Variants in SLC4A7 observed in about 807,000 individuals in gnomAD.
SLC4A7 encodes solute carrier family 4 member 7.
SLC4A7 carries 51 observed loss-of-function variants against 137.6 expected under a neutral mutation model. That is an observed-to-expected ratio of 0.37 (90% CI 0.30 to 0.47). The LOEUF is 0.47. Ranked by LOEUF, SLC4A7 falls within the 20% of genes least tolerant of loss-of-function variation. The pLI is 1.00. For missense variants in SLC4A7, 1,247 were observed against 1,525.4 expected, an observed-to-expected ratio of 0.82 and a Z score of 3.04; for synonymous variants, 542 against 518.6, an observed-to-expected ratio of 1.05 and a Z score of -0.61.
At chr3:27,427,671 T>C (rs1184977579) in intron 7 of SLC4A7, among the ~76,000 whole-genome samples, 1 of 152,036 alleles carries the variant, frequency 6.6e-6, no homozygotes, top group African/African-American at 2.4e-5. Flanking sequence ...GAAACTCCAT[T>C]AGAGTTTCTA....
intron 1 of SLC4A7, among the ~76,000 whole-genome samples, chr3:27,477,295 G>A (rs2059500058): frequency 6.6e-6 from 1 of 152,210 alleles, no homozygotes; most frequent in Non-Finnish European, 1.5e-5. Flanking sequence ...TTGGTGAACA[G>A]CAGCTAACTT....
chr3:27,390,078 T>A lies in SLC4A7; in HGVS notation c.3213A>T (p.Gly1071=). ...IQLFDRIKLF[G]MPAKHQPDLI... ...AATCAGGCTGATGCTTAGCAGGCAT[T>A]CCAAATAATTTTATACGGTCAAATA... The change falls in exon 22 of 26, where the codon GGA becomes GGT. Residue 1071 remains glycine, a synonymous_variant. Coordinates refer to ENST00000454389, the MANE Select transcript of SLC4A7 (RefSeq NM_001321103.2). 6.2e-7 allele frequency: 1 copy of A among 1,605,736 alleles called. No homozygotes were observed. The highest frequency in any genetic ancestry group is 2.2e-5 in the East Asian group (1 of 44,740).
chr3:27,389,927 T>G lies in SLC4A7; in HGVS notation c.3360+4A>C. On this transcript the variant is annotated splice_donor_region_variant and intron_variant, in intron 22 of 25. Transcript: ENST00000454389. ...GTGACAAAATAAGTCTGAAGAAATC[T>G]TACCATCATGGGAAAAACCACTGCA... The G allele has an allele frequency of 6.2e-7, 1 of 1,610,596 alleles. No individual in the cohort carries two copies. The highest frequency in any genetic ancestry group is 8.5e-7 in the Non-Finnish European group (1 of 1,177,378).
chr3:27,380,983 A>G (rs1045414148), intron 24 of SLC4A7, among the ~76,000 whole-genome samples: 6 of 152,224 alleles, frequency 3.9e-5, no homozygotes, highest in Non-Finnish European at 8.8e-5. Flanking sequence ...ATTTGCCTGC[A>G]TTACATAAAT....
At chr3:27,452,833 T>A (rs991416988) in intron 1 of SLC4A7, among the ~76,000 whole-genome samples, 1 of 152,158 alleles carries the variant, frequency 6.6e-6, no homozygotes, top group Non-Finnish European at 1.5e-5. Flanking sequence ...GTGAGAGGAA[T>A]CCTTAGATGT....
At chr3:27,434,152 A>G (rs754985949) in intron 5 of SLC4A7, 48 bp from the exon 6 acceptor site, 6 of 1,368,156 alleles carry the variant, frequency 4.4e-6, no homozygotes, top group Non-Finnish European at 6.0e-6. Context: ...AGATGACCAT[A>G]ATATAGGAAT....
intron 1 of SLC4A7, among the ~76,000 whole-genome samples, chr3:27,479,657 C>T (rs2059629429): frequency 6.6e-6 from 1 of 152,050 alleles, no homozygotes; most frequent in East Asian, 1.9e-4. Flanking sequence ...CTAAATTTTT[C>T]CAAACTGCAA....
chr3:27,465,425 A>T (rs2058932705), intron 1 of SLC4A7, among the ~76,000 whole-genome samples: 1 of 151,702 alleles, frequency 6.6e-6, no homozygotes, highest in African/African-American at 2.4e-5. Flanking sequence ...ATGGTTCAAA[A>T]TTTTCCTAAC....
At chr3:27,430,075 G>A (rs1027411044) in intron 7 of SLC4A7, among the ~76,000 whole-genome samples, 24 of 151,098 alleles carry the variant, frequency 1.6e-4, no homozygotes, top group Admixed American at 6.6e-4. Flanking sequence ...CAGATGTTGT[G>A]GCATGTGCCT....
At chr3:27,467,654 C>G (rs1156966959) in intron 1 of SLC4A7, among the ~76,000 whole-genome samples, 1 of 152,192 alleles carries the variant, frequency 6.6e-6, no homozygotes, top group Admixed American at 6.5e-5. Flanking sequence ...CCACTCCTTT[C>G]ACACTGCTAA....
Position 27,428,746 on chromosome 3 carries a change from G to C in SLC4A7, c.1150+2552C>G, listed in dbSNP as rs142369666. Among the ~76,000 whole-genome samples the C allele has an allele frequency of 6.6e-5, 10 of 152,228 alleles. No individual in the cohort carries two copies. The East Asian group carries it at 1.9e-3, about 29-fold the overall frequency. On this transcript the variant is annotated intron_variant, in intron 7 of 25. Coordinates refer to ENST00000454389, the MANE Select transcript of SLC4A7 (RefSeq NM_001321103.2). ...ACACATTAAATAGGCTAATAACCAA[G>C]CTACCCACTGAAGTGCTGGATGTTG...
chr3:27,431,347 C>CGAG lies in SLC4A7; in HGVS notation c.1100_1101insCTC (p.Ala367_Leu368insSer). ...CATTCTTCTGCTCCTCGCCTTTCAG[C>CGAG]GCTGCTTCTAAGTCTTCCTCAGGCG... On this transcript the variant is annotated inframe_insertion, in exon 7 of 26. Transcript: ENST00000454389. 6.2e-7 allele frequency: 1 copy of CGAG among 1,610,908 alleles called. No homozygotes were observed. The highest frequency in any genetic ancestry group is 8.5e-7 in the Non-Finnish European group (1 of 1,178,330).
intron 1 of SLC4A7, among the ~76,000 whole-genome samples, chr3:27,481,717 C>T (rs897488905): frequency 2.0e-5 from 3 of 152,260 alleles, no homozygotes; most frequent in African/African-American, 2.4e-5. Context: ...TAACAGTAGC[C>T]AAGCCTTATC....
intron 1 of SLC4A7, among the ~76,000 whole-genome samples, chr3:27,478,981 G>A (rs989090809): frequency 2.6e-5 from 4 of 151,724 alleles, no homozygotes; most frequent in Admixed American, 2.0e-4. Flanking sequence ...CTCCAACCTG[G>A]GTGACAAAGT....
chr3:27,445,074 G>A (rs1291306551), intron 3 of SLC4A7, among the ~76,000 whole-genome samples: 6 of 152,200 alleles, frequency 3.9e-5, no homozygotes, highest in African/African-American at 1.4e-4. Context: ...CCCTGTATGT[G>A]TCAAAGTCTT....
intron 1 of SLC4A7, among the ~76,000 whole-genome samples, chr3:27,466,568 C>T (rs2059009791): frequency 6.6e-6 from 1 of 152,246 alleles, no homozygotes; most frequent in East Asian, 1.9e-4. Context: ...TGATTCACAC[C>T]TGTAATCCCA....
intron 10 of SLC4A7, 105 bp from the exon 11 acceptor site, chr3:27,418,737 C>T: frequency 1.5e-6 from 1 of 670,672 alleles, no homozygotes; most frequent in Non-Finnish European, 2.5e-6. Flanking sequence ...TAAAGATAAC[C>T]CCTAAACTCT....
intron 1 of SLC4A7, among the ~76,000 whole-genome samples, chr3:27,463,153 C>T (rs377679779): frequency 6.6e-6 from 1 of 152,136 alleles, no homozygotes; most frequent in Non-Finnish European, 1.5e-5. Context: ...TAGGGCCGGG[C>T]GCGGTGGCTC....
intron 13 of SLC4A7, among the ~76,000 whole-genome samples, chr3:27,405,743 A>G (rs2053277266): frequency 6.6e-6 from 1 of 152,194 alleles, no homozygotes; most frequent in Non-Finnish European, 1.5e-5. Context: ...AAACTGAAAT[A>G]TTTAACAAAA....
Sources: gnomAD v4.1 joint callset for allele counts (sites outside exome capture counted in the v4.1 genomes callset) on GRCh38, gnomAD v4.1.1 for gene constraint, MANE v1.5 for transcripts, NCBI Gene and HGNC (gene_info 2026-07-23, HGNC 2026-07-21) for gene names.